The following CLEC16A variants were observed in gnomAD, a reference collection of about 807,000 sequenced individuals.
CLEC16A encodes the protein C-type lectin domain containing 16A, also known as protein CLEC16A.
CLEC16A carries 51 observed loss-of-function variants against 109.5 expected under a neutral mutation model. That is an observed-to-expected ratio of 0.47 (90% CI 0.37 to 0.59). The LOEUF (loss-of-function observed/expected upper bound fraction) is 0.59, where lower values mean the gene tolerates loss of function less well. Among genes scored for constraint, CLEC16A ranks in the 20% least tolerant of loss-of-function variants. The pLI is 0.00. For synonymous variants in CLEC16A, 673 were observed against 564.2 expected, an observed-to-expected ratio of 1.19 and a Z score of -2.73; for missense variants, 1,339 against 1,394.0, an observed-to-expected ratio of 0.96 and a Z score of 0.63.
rs61538238 is a variant in CLEC16A at position 11,013,722 on chromosome 16, G to A, written c.1304-6471G>A. 5.1e-3 allele frequency among the ~76,000 whole-genome samples: 780 copies of A among 152,150 alleles called. 7 individuals carry two copies. Among genetic ancestry groups the A allele is most frequent in the African/African-American group, 0.018 (739 of 41,496 alleles). The stretch of plus-strand genomic sequence containing the variant: ...TGCAGTGAGCCAAGATCACGCCACC[G>A]CACTCCAGCCTAGGCGATGGAGTGA... On this transcript the variant is annotated intron_variant, in intron 11 of 23. Transcript: ENST00000409790.
chr16:11,137,968 A>AT (rs2053647358), intron 22 of CLEC16A, among the ~76,000 whole-genome samples: 1 of 152,168 alleles, frequency 6.6e-6, no homozygotes, highest in Admixed American at 6.5e-5. Flanking sequence ...AAGCCATTTG[A>AT]TTTTCCACGT....
At chr16:10,991,801 C>G (rs1299568241) in intron 10 of CLEC16A, among the ~76,000 whole-genome samples, 1 of 152,216 alleles carries the variant, frequency 6.6e-6, no homozygotes, top group Non-Finnish European at 1.5e-5. Flanking sequence ...GATGCTTTGC[C>G]TGATGGGAGC....
intron 13 of CLEC16A, among the ~76,000 whole-genome samples, chr16:11,038,897 G>A (rs2047169202): frequency 1.3e-5 from 2 of 152,118 alleles, no homozygotes; most frequent in Admixed American, 6.5e-5. Context: ...AGGGGCAGGC[G>A]TGGCCTCTGC....
intron 8 of CLEC16A, among the ~76,000 whole-genome samples, chr16:10,978,561 C>G (rs1214086115): frequency 6.6e-6 from 1 of 152,234 alleles, no homozygotes; most frequent in Non-Finnish European, 1.5e-5. Context: ...CATGAGCCAC[C>G]GTGCCCAGCC....
intron 13 of CLEC16A, among the ~76,000 whole-genome samples, chr16:11,028,182 G>T (rs138008278): frequency 6.6e-6 from 1 of 152,126 alleles, no homozygotes; most frequent in South Asian, 2.1e-4. Flanking sequence ...CCTGGGCAAC[G>T]AGCGAAACTC....
At chr16:11,065,204 T>A (rs2048696600) in intron 19 of CLEC16A, among the ~76,000 whole-genome samples, 1 of 152,128 alleles carries the variant, frequency 6.6e-6, no homozygotes, top group Admixed American at 6.5e-5. Flanking sequence ...CCTCAGAGCC[T>A]CCTTAAAGGA....
In CLEC16A at chr16:11,123,848, C is replaced by G. The variant is rs750130922; in HGVS notation, c.2375C>G (p.Thr792Ser). 2.5e-6 allele frequency: 4 copies of G among 1,613,950 alleles called. No individual in the cohort carries two copies. Among genetic ancestry groups the G allele is most frequent in the Non-Finnish European group, 3.4e-6 (4 of 1,179,920 alleles). The change falls in exon 21 of 24, where the codon ACC becomes AGC. Residue 792 changes from threonine to serine, a missense_variant. By Grantham distance (58) the Thr-to-Ser change is moderately conservative. This residue lies in a region of CLEC16A where 1,061 missense variants were observed against 1,006.8 expected (regional missense o/e 1.05). Transcript: ENST00000409790. ...HSKPFPILQA[T>S]FIFSDHIRCI... ...AAGCCCTTCCCCATCCTCCAGGCCA[C>G]CTTCATCTTCTCAGACCACATCCGC...
intron 9 of CLEC16A, among the ~76,000 whole-genome samples, chr16:10,979,837 G>A (rs925259775): frequency 6.6e-6 from 1 of 152,134 alleles, no homozygotes; most frequent in African/African-American, 2.4e-5. Context: ...CGCGGTTCTA[G>A]TTCCCAGATT....
intron 10 of CLEC16A, among the ~76,000 whole-genome samples, chr16:10,985,411 G>A (rs1054646235): frequency 2.6e-5 from 4 of 151,976 alleles, no homozygotes; most frequent in Admixed American, 1.3e-4. Flanking sequence ...ATCAATGCAC[G>A]TTTCTACGGG....
chr16:11,030,786 A>G (rs1402245298), intron 13 of CLEC16A, among the ~76,000 whole-genome samples: 1 of 152,184 alleles, frequency 6.6e-6, no homozygotes, highest in Non-Finnish European at 1.5e-5. Context: ...CTGGGACTAC[A>G]GGTGTGCGCC....
chr16:10,971,533 C>CT (rs2042786826), intron 5 of CLEC16A: 4 of 983,442 alleles, frequency 4.1e-6, no homozygotes, highest in Non-Finnish European at 4.8e-6. Flanking sequence ...GCAAAGTTGT[C>CT]TTTTTAATGT....
intron 22 of CLEC16A, among the ~76,000 whole-genome samples, chr16:11,131,107 C>T (rs558387614): frequency 6.6e-6 from 1 of 152,068 alleles, no homozygotes; most frequent in East Asian, 1.9e-4. Flanking sequence ...TTCAGCTTCA[C>T]GAGGGATTGT....
chr16:11,167,230 CA>C (rs941420482), intron 23 of CLEC16A, among the ~76,000 whole-genome samples: 4 of 152,126 alleles, frequency 2.6e-5, no homozygotes, highest in Admixed American at 2.6e-4. Flanking sequence ...AACATGGCCC[CA>C]AATTGTAGCC....
At chr16:11,170,149 C>G (rs2068443881) in intron 23 of CLEC16A, among the ~76,000 whole-genome samples, 1 of 152,210 alleles carries the variant, frequency 6.6e-6, no homozygotes, top group Non-Finnish European at 1.5e-5. Flanking sequence ...GGGCCCCGAT[C>G]TGGATCCTGG....
chr16:10,983,029 C>A, intron 10 of CLEC16A, 38 bp downstream of exon 10: 1 of 1,144,992 alleles, frequency 8.7e-7, no homozygotes. Flanking sequence ...TAACAGGAAA[C>A]CATTGCTCAT....
At chr16:11,074,014 C>A (rs1349357297) in intron 19 of CLEC16A, among the ~76,000 whole-genome samples, 4 of 152,180 alleles carry the variant, frequency 2.6e-5, no homozygotes, top group East Asian at 1.9e-4. Context: ...AGACTTTTGT[C>A]CCCCTCTAAT....
intron 18 of CLEC16A, among the ~76,000 whole-genome samples, chr16:11,054,061 G>A (rs370376798): frequency 1.2e-4 from 19 of 152,364 alleles, no homozygotes; most frequent in East Asian, 1.2e-3. Flanking sequence ...GCACCAACAC[G>A]GCAGTGATTG....
chr16:10,971,361 C>G (rs183861674), intron 5 of CLEC16A, 131 bp downstream of exon 5: 59 of 819,830 alleles, frequency 7.2e-5, no homozygotes, highest in Admixed American at 5.4e-4. Flanking sequence ...GGCAGCTTCT[C>G]TCATGAAAAA....
At chr16:11,105,083 T>G (rs1331680431) in intron 19 of CLEC16A, among the ~76,000 whole-genome samples, 1 of 152,224 alleles carries the variant, frequency 6.6e-6, no homozygotes, top group African/African-American at 2.4e-5. Flanking sequence ...CTCACAGAGT[T>G]AGGCAATTTT....
Sources: gnomAD v4.1 joint callset for allele counts (sites outside exome capture counted in the v4.1 genomes callset) on GRCh38, gnomAD v4.1.1 for gene constraint, gnomAD v4.1.1 regional missense constraint, MANE v1.5 for transcripts, NCBI Gene and HGNC (gene_info 2026-07-23, HGNC 2026-07-21) for gene names.